The following NCOA2 variants were observed in gnomAD, a reference collection of about 807,000 sequenced individuals.
The protein encoded by NCOA2 is nuclear receptor coactivator 2.
In NCOA2, 21 loss-of-function variants were observed where a neutral mutation model predicts 145.1. That is an observed-to-expected ratio of 0.14 (90% CI 0.10 to 0.21). The LOEUF is 0.21. Among genes scored for constraint, NCOA2 ranks in the 10% least tolerant of loss-of-function variants. The probability of loss-of-function intolerance (pLI) is 1.00; values close to 1 mark genes in which losing one functional copy is unlikely to be tolerated. For missense variants in NCOA2, 1,472 were observed against 1,837.6 expected, an observed-to-expected ratio of 0.80 and a Z score of 3.64; for synonymous variants, 619 against 637.5, an observed-to-expected ratio of 0.97 and a Z score of 0.44.
At chr8:70,208,555 A>G (rs911506391) in intron 4 of NCOA2, among the ~76,000 whole-genome samples, 1 of 152,204 alleles carries the variant, frequency 6.6e-6, no homozygotes, top group African/African-American at 2.4e-5. Context: ...AGAGAAGTCA[A>G]CGCCTCATTT....
chr8:70,115,104 T>C (rs1396143857), intron 22 of NCOA2, among the ~76,000 whole-genome samples: 1 of 152,230 alleles, frequency 6.6e-6, no homozygotes, highest in Admixed American at 6.5e-5. Context: ...ACCCTCAATT[T>C]TCCAGTTAGT....
intron 2 of NCOA2, among the ~76,000 whole-genome samples, chr8:70,233,415 C>A (rs963495190): frequency 4.6e-5 from 7 of 152,130 alleles, no homozygotes; most frequent in African/African-American, 1.7e-4. Flanking sequence ...AAATGAATTA[C>A]AAAACACCTT....
intron 2 of NCOA2, among the ~76,000 whole-genome samples, chr8:70,286,611 C>T (rs988694544): frequency 6.6e-6 from 1 of 152,124 alleles, no homozygotes; most frequent in African/African-American, 2.4e-5. Context: ...ACTATGTATG[C>T]TTAGAAATTG....
intron 2 of NCOA2, among the ~76,000 whole-genome samples, chr8:70,221,436 A>T (rs1347821874): frequency 1.3e-5 from 2 of 152,132 alleles, no homozygotes; most frequent in African/African-American, 4.8e-5. Flanking sequence ...CGATCCCTTT[A>T]TAAGGATAAA....
intron 1 of NCOA2, among the ~76,000 whole-genome samples, chr8:70,311,226 A>G (rs1228598362): frequency 2.0e-5 from 3 of 152,206 alleles, no homozygotes; most frequent in Non-Finnish European, 2.9e-5. Flanking sequence ...ACAAAGAAAC[A>G]TACCTGCCCT....
At position 70,113,144 on chromosome 8, in the gene NCOA2, A is replaced by G. The variant is rs1806692717; in HGVS notation, c.*488T>C. On this transcript the variant is annotated 3_prime_UTR_variant, in exon 23 of 23. Transcript: ENST00000452400. ...CCATCCCAAATTCAGGCTTTAGCTTAAAACATCTTTAGTTTAATTTTTTAA... is the reference window on the plus strand; with the variant it reads ...CCATCCCAAATTCAGGCTTTAGCTTGAAACATCTTTAGTTTAATTTTTTAA... The G allele has an allele frequency of 4.3e-5, 9 of 208,370 alleles. No individual in the cohort carries two copies. In the East Asian group the frequency reaches 6.7e-4, roughly 16 times the overall value. The allele number at this position is 208,370 out of a possible 1,614,324, so 12.9% of individuals were successfully genotyped here. A position where few individuals can be genotyped will look rare whatever the true frequency, so the allele number is the denominator to read the frequency against.
intron 2 of NCOA2, among the ~76,000 whole-genome samples, chr8:70,241,340 A>G (rs141484813): frequency 6.6e-6 from 1 of 152,258 alleles, no homozygotes; most frequent in Non-Finnish European, 1.5e-5. Flanking sequence ...TGTTTTAACA[A>G]TCTCTGCTAT....
rs1033108007 is a variant in NCOA2 at position 70,236,439 on chromosome 8, A to G, written c.-19-19675T>C. 9.9e-5 allele frequency among the ~76,000 whole-genome samples: 15 copies of G among 152,152 alleles called. No homozygotes were observed. In the South Asian group the frequency reaches 2.7e-3, roughly 27 times the overall value. The stretch of plus-strand genomic sequence containing the variant: ...GAACTATAAATGCACATGGTTCCTC[A>G]CTTACTACATACCAGCTCTTACCTA... On this transcript the variant is annotated intron_variant, in intron 2 of 22. Coordinates refer to ENST00000452400, the MANE Select transcript of NCOA2 (RefSeq NM_006540.4).
At chr8:70,305,536 G>A (rs1480922511) in intron 1 of NCOA2, among the ~76,000 whole-genome samples, 3 of 152,106 alleles carry the variant, frequency 2.0e-5, no homozygotes, top group East Asian at 1.9e-4. Context: ...AAACGGACCC[G>A]GATGTCAAAC....
Position 70,116,546 on chromosome 8 carries a change from CA to C in NCOA2, c.4384-2904del, listed in dbSNP as rs1388175596. Among the ~76,000 whole-genome samples, 341 of 130,496 alleles carry C rather than the reference CA, an allele frequency of 2.6e-3. 1 individual carries two copies. Among genetic ancestry groups the C allele is most frequent in the African/African-American group, 3.4e-3 (122 of 35,524 alleles). The allele number at this position is 130,496 out of a possible 152,430, so 85.6% of individuals were successfully genotyped here. A position where few individuals can be genotyped will look rare whatever the true frequency, so the allele number is the denominator to read the frequency against. On this transcript the variant is annotated intron_variant, in intron 22 of 22. Transcript: ENST00000452400. ...AGCCTGGTCGACACAGAGTCCGTCT[CA>C]AAAAAAAAAAAAATTCTGGAAAAAG...
chr8:70,192,786 T>C (rs1476708775), intron 4 of NCOA2, among the ~76,000 whole-genome samples: 2 of 152,100 alleles, frequency 1.3e-5, no homozygotes, highest in Non-Finnish European at 2.9e-5. Flanking sequence ...AATGGAGACC[T>C]GGCCAAGAAC....
intron 1 of NCOA2, among the ~76,000 whole-genome samples, chr8:70,377,096 C>T (rs1319133079): frequency 1.1e-4 from 17 of 150,558 alleles, no homozygotes; most frequent in African/African-American, 3.4e-4. Flanking sequence ...AGACTATGAT[C>T]AACACAGGAA....
In NCOA2 at chr8:70,221,426, C is replaced by T. The variant is rs1301829258; in HGVS notation, c.-19-4662G>A. The stretch of plus-strand genomic sequence containing the variant: ...TTCAAAGTACACTGTGTTCCAAGAG[C>T]GATCCCTTTATAAGGATAAAAGCAA... On this transcript the variant is annotated intron_variant, in intron 2 of 22. Transcript: ENST00000452400. Among the ~76,000 whole-genome samples the T allele has an allele frequency of 3.3e-5, 5 of 152,102 alleles. No homozygotes were observed. In the South Asian group the frequency reaches 8.3e-4, roughly 25 times the overall value.
the NCOA2 span, among the ~76,000 whole-genome samples, chr8:70,437,986 C>T: frequency 1.3e-5 from 2 of 152,166 alleles, no homozygotes; most frequent in Non-Finnish European, 2.9e-5. Context: ...CATTAAATCA[C>T]CCACATAGCT....
intron 2 of NCOA2, among the ~76,000 whole-genome samples, chr8:70,239,623 G>T (rs941097623): frequency 1.4e-4 from 21 of 152,096 alleles, no homozygotes; most frequent in African/African-American, 5.1e-4. Context: ...CTTGATTCAG[G>T]TATCCAATCT....
intron 22 of NCOA2, among the ~76,000 whole-genome samples, chr8:70,115,849 C>G (rs1438727970): frequency 6.6e-6 from 1 of 151,962 alleles, no homozygotes; most frequent in African/African-American, 2.4e-5. Flanking sequence ...AAGCAAGGTA[C>G]CATTATAATT....
intron 1 of NCOA2, among the ~76,000 whole-genome samples, chr8:70,366,705 A>T (rs1179896318): frequency 6.6e-6 from 1 of 151,872 alleles, no homozygotes; most frequent in East Asian, 1.9e-4. Context: ...AAAACAAGCA[A>T]GAAAACCATT....
chr8:70,420,613 G>A, the NCOA2 span, among the ~76,000 whole-genome samples: 5 of 152,154 alleles, frequency 3.3e-5, no homozygotes, highest in Non-Finnish European at 7.4e-5. Context: ...GAGGCTGGGG[G>A]TGGCTGGAGA....
intron 1 of NCOA2, among the ~76,000 whole-genome samples, chr8:70,353,753 A>G (rs1254199111): frequency 6.6e-6 from 1 of 152,030 alleles, no homozygotes; most frequent in Non-Finnish European, 1.5e-5. Flanking sequence ...GTTCTAAGGT[A>G]ATTATGGTTT....
Sources: gnomAD v4.1 joint callset for allele counts (sites outside exome capture counted in the v4.1 genomes callset) on GRCh38, gnomAD v4.1.1 for gene constraint, MANE v1.5 for transcripts, NCBI Gene and HGNC (gene_info 2026-07-23, HGNC 2026-07-21) for gene names.